The following ZFPM2 variants were observed in gnomAD, a reference collection of about 807,000 sequenced individuals.
The protein encoded by ZFPM2 is zinc finger protein, FOG family member 2.
A neutral mutation model predicts 98.6 loss-of-function variants in ZFPM2; 20 were observed. The ratio of observed to expected loss-of-function variants is 0.20; its 90% confidence interval spans 0.14 to 0.29. ZFPM2 has a LOEUF of 0.29. ZFPM2 is among the 10% of genes least tolerant of loss of function. The pLI is 1.00. For missense variants in ZFPM2, 1,310 were observed against 1,388.6 expected (o/e 0.94, Z 0.90); for synonymous variants, 518 against 502.7 (o/e 1.03, Z -0.41).
At position 105,336,410 on chromosome 8, in the gene ZFPM2, A is replaced by C. The variant is rs369470076; in HGVS notation, c.40+17429A>C. Among the ~76,000 whole-genome samples the C allele has an allele frequency of 2.0e-5, 3 of 151,910 alleles. No individual in the cohort carries two copies. The South Asian group carries it at 6.2e-4, about 31-fold the overall frequency. On this transcript the variant is annotated intron_variant, in intron 1 of 7. Coordinates refer to ENST00000407775, the MANE Select transcript of ZFPM2 (RefSeq NM_012082.4). ...AAAGAAATTGTTCTCTGGTAGTGGT[A>C]AATATCCTCAGGTATTTAAAATATA...
intron 5 of ZFPM2, among the ~76,000 whole-genome samples, chr8:105,694,825 A>C (rs1016209665): frequency 2.0e-5 from 3 of 152,168 alleles, no homozygotes; most frequent in African/African-American, 7.2e-5. Flanking sequence ...ATTACTATTA[A>C]GATGTTTTCC....
chr8:105,697,128 C>T (rs1811035233), intron 5 of ZFPM2, among the ~76,000 whole-genome samples: 1 of 152,150 alleles, frequency 6.6e-6, no homozygotes, highest in Non-Finnish European at 1.5e-5. Flanking sequence ...GAACCAACTT[C>T]ATATAATTTA....
chr8:105,520,326 A>G (rs766129288), intron 3 of ZFPM2, among the ~76,000 whole-genome samples: 10 of 152,254 alleles, frequency 6.6e-5, no homozygotes, highest in Admixed American at 2.0e-4. Context: ...CACTTAATAT[A>G]TATATTTGGG....
At chr8:105,783,173 T>A (rs974652253) in intron 5 of ZFPM2, among the ~76,000 whole-genome samples, 1 of 151,152 alleles carries the variant, frequency 6.6e-6, no homozygotes, top group Admixed American at 6.6e-5. Flanking sequence ...GCTAGGAAAG[T>A]CGAGAAGGAA....
At chr8:105,797,141 G>C (rs561604441) in intron 6 of ZFPM2, 1 of 152,236 alleles carries the variant, frequency 6.6e-6, no homozygotes, top group Non-Finnish European at 1.5e-5. Context: ...CATTATGGAA[G>C]AGTGATTAAG....
In ZFPM2 at chr8:105,644,297, T is replaced by TAAAAAA. The variant is rs58170875; in HGVS notation, c.532+9945_532+9950dup. On this transcript the variant is annotated intron_variant, in intron 5 of 7. Transcript: ENST00000407775. Reference sequence around the variant, plus strand: ...TTCTTTCTTTTCTTTTTTTTTTTTTTAAAAAAAAAACAGGGTTTTGCCATG... The same window carrying TAAAAAA: ...TTCTTTCTTTTCTTTTTTTTTTTTTTAAAAAAAAAAAAAAAACAGGGTTTTGCCATG... Among the ~76,000 whole-genome samples, 555 of 145,570 alleles carry TAAAAAA rather than the reference T, an allele frequency of 3.8e-3. 2 individuals are homozygous for TAAAAAA. Among genetic ancestry groups the TAAAAAA allele is most frequent in the South Asian group, 0.013 (58 of 4,590 alleles).
At chr8:105,742,670 T>A (rs1425700867) in intron 5 of ZFPM2, among the ~76,000 whole-genome samples, 1 of 151,902 alleles carries the variant, frequency 6.6e-6, no homozygotes, top group East Asian at 2.0e-4. Context: ...GTTGGGCCAG[T>A]CACCTGAGGT....
At chr8:105,618,091 A>G (rs1816458520) in intron 4 of ZFPM2, among the ~76,000 whole-genome samples, 1 of 152,166 alleles carries the variant, frequency 6.6e-6, no homozygotes, top group Admixed American at 6.6e-5. Context: ...TTAATGAGGC[A>G]CCATGTAATT....
intron 3 of ZFPM2, among the ~76,000 whole-genome samples, chr8:105,505,911 A>G (rs1813689222): frequency 6.6e-6 from 1 of 151,172 alleles, no homozygotes; most frequent in African/African-American, 2.5e-5. Context: ...TGATGGAAAT[A>G]TTTTATGGAG....
At chr8:105,480,382 C>T (rs1426233514) in intron 3 of ZFPM2, among the ~76,000 whole-genome samples, 4 of 152,152 alleles carry the variant, frequency 2.6e-5, no homozygotes, top group African/African-American at 9.7e-5. Flanking sequence ...GGTTATATTG[C>T]ATAACTGAGC....
intron 5 of ZFPM2, among the ~76,000 whole-genome samples, chr8:105,726,106 C>T (rs1811801097): frequency 6.6e-6 from 1 of 151,764 alleles, no homozygotes; most frequent in African/African-American, 2.4e-5. Context: ...AGTATGATTT[C>T]AGTGGCCTTT....
intron 5 of ZFPM2, chr8:105,785,331 A>ACACACG (rs138511349): frequency 7.8e-6 from 1 of 128,648 alleles, no homozygotes; most frequent in African/African-American, 5.0e-5. Flanking sequence ...CACAACACAC[A>ACACACG]CACACGCACA....
chr8:105,637,634 A>G (rs1816872701), intron 5 of ZFPM2, among the ~76,000 whole-genome samples: 1 of 152,056 alleles, frequency 6.6e-6, no homozygotes, highest in Non-Finnish European at 1.5e-5. Flanking sequence ...GCTCACCCAG[A>G]GCATGTCCCA....
At position 105,513,132 on chromosome 8, in the gene ZFPM2, G is replaced by A. The variant is rs558279620; in HGVS notation, c.302-48231G>A. Among the ~76,000 whole-genome samples, 348 of 152,200 alleles carry A rather than the reference G, an allele frequency of 2.3e-3. 1 individual carries two copies. Among genetic ancestry groups the A allele is most frequent in the Middle Eastern group, 3.4e-3 (1 of 294 alleles). ...TGTTGTGGAATGGTGGGCCCAACGT[G>A]CAAAATAGCAGATAAATAAGGAAGA... On this transcript the variant is annotated intron_variant, in intron 3 of 7. Coordinates refer to ENST00000407775, the MANE Select transcript of ZFPM2 (RefSeq NM_012082.4).
intron 3 of ZFPM2, among the ~76,000 whole-genome samples, chr8:105,503,387 C>T (rs1249160983): frequency 6.6e-6 from 1 of 152,090 alleles, no homozygotes; most frequent in East Asian, 1.9e-4. Context: ...ATTTAGTTTA[C>T]AGATCATATG....
chr8:105,553,340 A>T (rs559833026), intron 3 of ZFPM2, among the ~76,000 whole-genome samples: 4 of 152,310 alleles, frequency 2.6e-5, no homozygotes, highest in Non-Finnish European at 5.9e-5. Flanking sequence ...AATATTTGGT[A>T]GCATATAAAT....
In ZFPM2 at chr8:105,389,393, CAG is replaced by C. The variant is rs150194074; in HGVS notation, c.41-29748_41-29747del. 3.7e-3 allele frequency among the ~76,000 whole-genome samples: 566 copies of C among 152,126 alleles called. 7 individuals are homozygous for C. Among genetic ancestry groups the C allele is most frequent in the African/African-American group, 0.013 (522 of 41,492 alleles). The stretch of plus-strand genomic sequence containing the variant: ...GGGTTAAATGGACAAAGAGGAAAAT[CAG>C]AGGGGGAAATAGTGTCACAAAAGCC... On this transcript the variant is annotated intron_variant, in intron 1 of 7. Coordinates refer to ENST00000407775, the MANE Select transcript of ZFPM2 (RefSeq NM_012082.4).
intron 4 of ZFPM2, among the ~76,000 whole-genome samples, chr8:105,575,074 A>G (rs71522746): frequency 6.6e-6 from 1 of 152,294 alleles, no homozygotes; most frequent in African/African-American, 2.4e-5. Context: ...AAACTTTGTG[A>G]AAATGACAAC....
chr8:105,424,428 G>A (rs1343114584), intron 2 of ZFPM2, among the ~76,000 whole-genome samples: 1 of 152,040 alleles, frequency 6.6e-6, no homozygotes, highest in Non-Finnish European at 1.5e-5. Flanking sequence ...GACCTCTTCA[G>A]TCTGGAAATA....
Sources: gnomAD v4.1 joint callset for allele counts (sites outside exome capture counted in the v4.1 genomes callset) on GRCh38, gnomAD v4.1.1 for gene constraint, MANE v1.5 for transcripts, NCBI Gene and HGNC (gene_info 2026-07-23, HGNC 2026-07-21) for gene names.